PTPRT: variants seen among roughly 807,000 people sequenced by gnomAD.
The protein encoded by PTPRT is receptor-type tyrosine-protein phosphatase T.
PTPRT carries 56 observed loss-of-function variants against 176.8 expected under a neutral mutation model. That is an observed-to-expected ratio of 0.32 (90% CI 0.26 to 0.40). The LOEUF (loss-of-function observed/expected upper bound fraction) is 0.40. Ranked by LOEUF, PTPRT falls within the 10% of genes least tolerant of loss-of-function variation. The pLI is 1.00. For missense variants in PTPRT, 1,540 were observed against 1,908.2 expected (o/e 0.81, Z 3.60); for synonymous variants, 783 against 739.0 (o/e 1.06, Z -0.96).
chr20:42,104,189 C>G (rs190201382), intron 25 of PTPRT, among the ~76,000 whole-genome samples: 3 of 152,112 alleles, frequency 2.0e-5, no homozygotes, highest in African/African-American at 7.2e-5. Context: ...ACATGTAGGG[C>G]CAGGTGTGGT....
At chr20:42,792,959 C>T (rs572660410) in intron 2 of PTPRT, among the ~76,000 whole-genome samples, 31 of 152,300 alleles carry the variant, frequency 2.0e-4, no homozygotes, top group East Asian at 1.9e-4. Flanking sequence ...CTTGGACTTA[C>T]GGCCAAATTA....
intron 17 of PTPRT, among the ~76,000 whole-genome samples, chr20:42,142,969 A>G (rs1988696423): frequency 6.6e-6 from 1 of 152,236 alleles, no homozygotes. Flanking sequence ...CAGAGGGAAC[A>G]GCAGATGCAA....
chr20:42,745,261 G>C (rs1260451386), intron 6 of PTPRT, among the ~76,000 whole-genome samples: 1 of 152,162 alleles, frequency 6.6e-6, no homozygotes, highest in Non-Finnish European at 1.5e-5. Context: ...ATTGGCCAGA[G>C]GCCCACAGAG....
chr20:42,791,761 C>T (rs2077379787), intron 2 of PTPRT, among the ~76,000 whole-genome samples: 1 of 152,254 alleles, frequency 6.6e-6, no homozygotes. Context: ...AACATAGCTA[C>T]TATTACTGTT....
In PTPRT at chr20:42,080,243, C is replaced by T. The variant is rs985083714; in HGVS notation, c.*636G>A. ...AGCTGGCCGGCCAGTGAATGCTGGA[C>T]GGTCAAGGCCCAGGCTGGGGAAGGG... On this transcript the variant is annotated 3_prime_UTR_variant, in exon 31 of 31. Transcript: ENST00000373187. The T allele has an allele frequency of 4.7e-5, 11 of 232,918 alleles. No individual in the cohort carries two copies. The highest frequency in any genetic ancestry group is 1.5e-4 in the African/African-American group (7 of 45,326). The allele number at this position is 232,918 out of a possible 1,614,324, so 14.4% of individuals were successfully genotyped here. A position where few individuals can be genotyped will look rare whatever the true frequency, so the allele number is the denominator to read the frequency against.
chr20:42,927,252 C>T lies in PTPRT; in HGVS notation c.89-41320G>A, dbSNP rs761034988. On this transcript the variant is annotated intron_variant, in intron 1 of 30. Transcript: ENST00000373187. ...AAAAGGCAAGACCTGCTTAAGGGGA[C>T]CAGCAGAAAGATTGTAGAAAAAAGG... Among the ~76,000 whole-genome samples the T allele has an allele frequency of 7.6e-4, 115 of 152,254 alleles. 1 individual carries two copies. Among genetic ancestry groups the T allele is most frequent in the Non-Finnish European group, 2.4e-4 (16 of 68,022 alleles).
chr20:42,911,428 C>T (rs1285530211), intron 1 of PTPRT, among the ~76,000 whole-genome samples: 1 of 152,086 alleles, frequency 6.6e-6, no homozygotes, highest in East Asian at 1.9e-4. Context: ...CAAGCCATAA[C>T]TATTGACAGA....
chr20:42,981,593 T>G (rs1370858050), intron 1 of PTPRT, among the ~76,000 whole-genome samples: 3 of 152,216 alleles, frequency 2.0e-5, no homozygotes, highest in African/African-American at 7.2e-5. Context: ...GGAACCCACA[T>G]GGAGGAGAAC....
At chr20:42,401,810 A>T (rs1215047616) in intron 9 of PTPRT, among the ~76,000 whole-genome samples, 2 of 152,180 alleles carry the variant, frequency 1.3e-5, no homozygotes, top group African/African-American at 4.8e-5. Context: ...GAGAAGACAG[A>T]TCACTGGAAC....
chr20:43,146,588 T>C (rs1434432129), intron 1 of PTPRT, among the ~76,000 whole-genome samples: 2 of 150,904 alleles, frequency 1.3e-5, no homozygotes, highest in African/African-American at 4.9e-5. Context: ...CCAAAACACA[T>C]AAACTATTGT....
chr20:42,370,307 G>A (rs1318197380), intron 9 of PTPRT, among the ~76,000 whole-genome samples: 1 of 152,102 alleles, frequency 6.6e-6, no homozygotes, highest in Non-Finnish European at 1.5e-5. Context: ...TCCAGATAAC[G>A]GCCAGCGACA....
intron 1 of PTPRT, among the ~76,000 whole-genome samples, chr20:43,135,816 T>G (rs2013815397): frequency 6.6e-6 from 1 of 152,174 alleles, no homozygotes; most frequent in South Asian, 2.1e-4. Context: ...TGGGGGGCTT[T>G]CGTCTTTCCT....
intron 1 of PTPRT, among the ~76,000 whole-genome samples, chr20:42,939,653 G>A (rs1442087086): frequency 1.3e-5 from 2 of 152,030 alleles, no homozygotes; most frequent in East Asian, 3.9e-4. Flanking sequence ...TCTCAGCTAA[G>A]AGCTGGGGCC....
intron 7 of PTPRT, among the ~76,000 whole-genome samples, chr20:42,596,557 A>G (rs62203816): frequency 0.024 from 3,603 of 152,352 alleles, 63 homozygotes; most frequent in Middle Eastern, 0.078. Flanking sequence ...TGGAAGAAAC[A>G]AAAACACTTG....
intron 2 of PTPRT, among the ~76,000 whole-genome samples, chr20:42,847,841 A>C (rs1226633792): frequency 6.6e-6 from 1 of 152,140 alleles, no homozygotes; most frequent in African/African-American, 2.4e-5. Context: ...GTCTTTAAAA[A>C]ATTTTTTCCA....
intron 2 of PTPRT, among the ~76,000 whole-genome samples, chr20:42,881,716 C>T (rs544772645): frequency 8.5e-6 from 1 of 117,308 alleles, no homozygotes; most frequent in South Asian, 3.0e-4. Context: ...CAGAGCGACA[C>T]TCTGTCTCAA....
intron 15 of PTPRT, among the ~76,000 whole-genome samples, chr20:42,211,690 C>T (rs1479103035): frequency 6.9e-6 from 1 of 144,998 alleles, no homozygotes; most frequent in South Asian, 2.3e-4. Flanking sequence ...CACTTTTACA[C>T]TGTTGGTGGG....
At chr20:42,964,848 A>G (rs1301464983) in intron 1 of PTPRT, among the ~76,000 whole-genome samples, 2 of 152,230 alleles carry the variant, frequency 1.3e-5, no homozygotes, top group African/African-American at 4.8e-5. Flanking sequence ...TCATAAATCA[A>G]TTAATAGGTT....
chr20:42,292,889 G>A (rs2057338308), intron 12 of PTPRT, among the ~76,000 whole-genome samples: 1 of 152,210 alleles, frequency 6.6e-6, no homozygotes, highest in Admixed American at 6.5e-5. Context: ...TGCCTTTAAA[G>A]GGGTAACAGA....
Sources: allele counts gnomAD v4.1 joint callset (sites outside exome capture counted in the v4.1 genomes callset), GRCh38; gene constraint gnomAD v4.1.1; transcripts MANE v1.5; gene names NCBI Gene and HGNC (gene_info 2026-07-23, HGNC 2026-07-21).